LRRN2: variants seen among roughly 807,000 people sequenced by gnomAD.
LRRN2 encodes the protein leucine rich repeat neuronal 2.
LRRN2 carries 10 observed loss-of-function variants against 35.7 expected under a neutral mutation model. The ratio of observed to expected loss-of-function variants is 0.28; its 90% CI spans 0.17 to 0.47. The LOEUF (loss-of-function observed/expected upper bound fraction) is 0.47. Among genes scored for constraint, LRRN2 ranks in the 20% least tolerant of loss-of-function variants. LRRN2 has a pLI of 0.99. For synonymous variants in LRRN2, 391 were observed against 409.6 expected, an observed-to-expected ratio of 0.95 and a Z score of 0.55; for missense variants, 731 against 940.3, an observed-to-expected ratio of 0.78 and a Z score of 2.91.
At chr1:204,670,362 G>A (rs536052120) in intron 1 of LRRN2, among the ~76,000 whole-genome samples, 33 of 152,330 alleles carry the variant, frequency 2.2e-4, no homozygotes, top group African/African-American at 7.2e-4. Context: ...GGCAGCGGGT[G>A]AGAAGGCAGT....
Position 204,619,216 on chromosome 1 carries a change from C to A in LRRN2, c.777G>T (p.Gln259His). The A allele has an allele frequency of 6.2e-7, 1 of 1,614,072 alleles. No individual in the cohort carries two copies. The highest frequency in any genetic ancestry group is 1.1e-5 in the South Asian group (1 of 91,082). ...GGTCTAGGAACTTGAGCCCGGGCACCTGTTCCAGTGCCCGCCTGGGCACCC... is the reference window on the plus strand; with the variant it reads ...GGTCTAGGAACTTGAGCCCGGGCACATGTTCCAGTGCCCGCCTGGGCACCC... Reference protein sequence around the residue: ...LARVPRRALEQVPGLKFLDLN... With the variant: ...LARVPRRALEHVPGLKFLDLN... Residue 259 changes from glutamine (Q) to histidine (H), a missense_variant, in exon 2 of 2, where the codon CAG becomes CAT. Gln to His is a conservative substitution (Grantham distance 24). This residue lies in a region of LRRN2 where 256 missense variants were observed against 392.4 expected (regional missense o/e 0.65). Transcript: ENST00000367177.
intron 1 of LRRN2, among the ~76,000 whole-genome samples, chr1:204,647,775 CAT>C (rs1006821648): frequency 1.4e-4 from 22 of 152,320 alleles, no homozygotes; most frequent in Admixed American, 4.6e-4. Flanking sequence ...GGCAGCCCCA[CAT>C]GAGGCCACTG....
rs1419670032 is a variant in LRRN2 at position 204,618,352 on chromosome 1, G to A, written c.1641C>T (p.Thr547=). The A allele has an allele frequency of 6.3e-7, 1 of 1,597,256 alleles. No homozygotes were observed. The highest frequency in any genetic ancestry group is 8.5e-7 in the Non-Finnish European group (1 of 1,170,712). ...GGTTGGTGGACACTGTGTTGGGTGG[G>A]GTGACCCAAGATAGCAGGATGTGAT... is the stretch of plus-strand genomic sequence containing the variant. ...HPYHILLSWV[T]PPNTVSTNLT... The change falls in exon 2 of 2, where the codon ACC becomes ACT. Residue 547 remains threonine, a synonymous_variant. Transcript: ENST00000367177.
chr1:204,679,136 C>T (rs1457454728), intron 1 of LRRN2, among the ~76,000 whole-genome samples: 1 of 152,198 alleles, frequency 6.6e-6, no homozygotes, highest in Non-Finnish European at 1.5e-5. Flanking sequence ...GGGCCCAATT[C>T]TGGGCAGGCA....
intron 1 of LRRN2, among the ~76,000 whole-genome samples, chr1:204,670,320 T>C (rs566814797): frequency 8.5e-5 from 13 of 152,234 alleles, no homozygotes; most frequent in South Asian, 6.2e-4. Context: ...GGTTATGCCA[T>C]TCACAAAACA....
intron 1 of LRRN2, among the ~76,000 whole-genome samples, chr1:204,670,553 G>A (rs1190349369): frequency 6.6e-6 from 1 of 152,098 alleles, no homozygotes; most frequent in East Asian, 1.9e-4. Context: ...CCGTTCGTGT[G>A]GCTGAGATGG....
At chr1:204,642,522 AG>A (rs1668003688) in intron 1 of LRRN2, among the ~76,000 whole-genome samples, 1 of 107,150 alleles carries the variant, frequency 9.3e-6, no homozygotes, top group African/African-American at 2.7e-5. Context: ...CAGGAGTAGC[AG>A]GGTAGGCAAA....
At position 204,685,411 on chromosome 1, in the gene LRRN2, C is replaced by T. The variant is rs1669050217; in HGVS notation, c.-318G>A. The T allele has an allele frequency of 6.6e-6, 1 of 151,554 alleles. No homozygotes were observed. Among genetic ancestry groups the T allele is most frequent in the African/African-American group, 2.4e-5 (1 of 41,366 alleles). 9.4% of individuals were successfully genotyped at this position (151,554 alleles called of 1,614,324 possible). On this transcript the variant is annotated 5_prime_UTR_variant, in exon 1 of 2. Transcript: ENST00000367177. ...CGGGGCCGGGCTGGGGACGCTGGTC[C>T]GCGCCCTCCCGCCGCGCGCGCCGTC...
At chr1:204,656,698 C>G (rs1013436658) in intron 1 of LRRN2, among the ~76,000 whole-genome samples, 2 of 152,196 alleles carry the variant, frequency 1.3e-5, no homozygotes, top group Non-Finnish European at 2.9e-5. Flanking sequence ...TTGGAAGACA[C>G]AGTTCCATGA....
At chr1:204,620,481 GCCAGGCTGGT>G (rs1666808876) in intron 1 of LRRN2, 1 of 182,570 alleles carries the variant, frequency 5.5e-6, no homozygotes, top group East Asian at 1.8e-4. Context: ...CTCCATGTTG[GCCAGGCTGGT>G]CTCGAACTCC....
intron 1 of LRRN2, chr1:204,620,816 A>G (rs992796707): frequency 4.8e-5 from 8 of 167,142 alleles, no homozygotes; most frequent in African/African-American, 1.9e-4. Context: ...TTCTGAGCCC[A>G]GAGAGATGTG....
At chr1:204,644,231 A>G (rs999077438) in intron 1 of LRRN2, among the ~76,000 whole-genome samples, 3 of 152,018 alleles carry the variant, frequency 2.0e-5, no homozygotes, top group African/African-American at 7.2e-5. Flanking sequence ...CCAAATCCTC[A>G]CACCTGGCCC....
chr1:204,635,921 G>A (rs1339527680), intron 1 of LRRN2, among the ~76,000 whole-genome samples: 7 of 152,290 alleles, frequency 4.6e-5, no homozygotes, highest in South Asian at 2.1e-4. Context: ...TTGGCACATC[G>A]CCCTCACAGG....
At chr1:204,643,564 TG>T (rs1002122585) in intron 1 of LRRN2, among the ~76,000 whole-genome samples, 1 of 152,050 alleles carries the variant, frequency 6.6e-6, no homozygotes, top group Non-Finnish European at 1.5e-5. Flanking sequence ...AGGATGAGGT[TG>T]GGGTGCAGCC....
rs143074114 is a variant in LRRN2 at position 204,648,373 on chromosome 1, A to C, written c.-226-28155T>G. Among the ~76,000 whole-genome samples, 53 of 152,336 alleles carry C rather than the reference A, an allele frequency of 3.5e-4. No individual in the cohort carries two copies. The East Asian group carries it at 0.01, about 29-fold the overall frequency. On this transcript the variant is annotated intron_variant, in intron 1 of 1. Transcript: ENST00000367177. The stretch of plus-strand genomic sequence containing the variant: ...TCCCAGCATGTCAAGAGTTGGAAGA[A>C]GCCTGAAAGAGAATCCAATCCAGGG...
intron 1 of LRRN2, among the ~76,000 whole-genome samples, chr1:204,659,976 A>G (rs1668436993): frequency 6.6e-6 from 1 of 152,150 alleles, no homozygotes; most frequent in African/African-American, 2.4e-5. Context: ...TATTTTGTTT[A>G]TTGGTTTGCC....
In LRRN2 at chr1:204,685,560, C is replaced by G. The variant is rs1017859406; in HGVS notation, c.-467G>C. On this transcript the variant is annotated 5_prime_UTR_variant, in exon 1 of 2. Transcript: ENST00000367177. ...AATCCGTCCCCACCCCCTCTCCGCG[C>G]CCTGGGCGCGTCGCGGCCGGAGGCT... The G allele has an allele frequency of 6.6e-6, 1 of 152,028 alleles. No individual in the cohort carries two copies. The highest frequency in any genetic ancestry group is 1.5e-5 in the Non-Finnish European group (1 of 68,018). The allele number at this position is 152,028 out of a possible 1,614,324, so 9.4% of individuals were successfully genotyped here.
At position 204,661,228 on chromosome 1, in the gene LRRN2, C is replaced by A. The variant is rs561487286; in HGVS notation, c.-227+24092G>T. On this transcript the variant is annotated intron_variant, in intron 1 of 1. Coordinates refer to ENST00000367177, the MANE Select transcript of LRRN2 (RefSeq NM_201630.2). ...CAAAAGAATACAAATACTCCATTCA[C>A]ATGAAATTCAAAAACAGGCTAAACT... Among the ~76,000 whole-genome samples the A allele has an allele frequency of 3.9e-5, 6 of 152,292 alleles. No homozygotes were observed. In the East Asian group the frequency reaches 1.2e-3, roughly 29 times the overall value.
chr1:204,652,263 C>CCCCCCCCCCCCCCCG (rs1553348476), intron 1 of LRRN2, among the ~76,000 whole-genome samples: 1 of 73,422 alleles, frequency 1.4e-5, no homozygotes, highest in Non-Finnish European at 2.4e-5. Context: ...CTTCACCGCC[C>CCCCCCCCCCCCCCCG]CCCCCCCGCC....
Sources: allele counts gnomAD v4.1 joint callset (sites outside exome capture counted in the v4.1 genomes callset), GRCh38; gene constraint gnomAD v4.1.1; regional missense constraint gnomAD v4.1.1; transcripts MANE v1.5; gene names NCBI Gene and HGNC (gene_info 2026-07-23, HGNC 2026-07-21).